The following NACC2 variants were observed in gnomAD, a reference collection of about 807,000 sequenced individuals.
The protein encoded by NACC2 is NACC family member 2, also known as nucleus accumbens-associated protein 2.
In NACC2, 8 loss-of-function variants were observed where a neutral mutation model predicts 25.1. The ratio of observed to expected loss-of-function variants is 0.32; its 90% confidence interval spans 0.19 to 0.57. The LOEUF is 0.57. Among genes scored for constraint, NACC2 ranks in the 20% least tolerant of loss-of-function variants. The pLI is 0.89. For synonymous variants in NACC2, 435 were observed against 294.7 expected, an observed-to-expected ratio of 1.48 and a Z score of -4.88; for missense variants, 644 against 650.2, an observed-to-expected ratio of 0.99 and a Z score of 0.10.
intron 2 of NACC2, among the ~76,000 whole-genome samples, chr9:136,047,420 T>A (rs1342820027): frequency 1.3e-5 from 2 of 152,164 alleles, no homozygotes; most frequent in Admixed American, 1.3e-4. Context: ...AGAAAAACCA[T>A]GACAAGAAAC....
chr9:136,080,465 G>C (rs1029273913), intron 1 of NACC2, among the ~76,000 whole-genome samples: 2 of 152,174 alleles, frequency 1.3e-5, no homozygotes, highest in African/African-American at 2.4e-5. Flanking sequence ...CCAGCTACTC[G>C]GGAGGCTGAG....
chr9:136,079,036 T>C (rs895461785), intron 1 of NACC2, among the ~76,000 whole-genome samples: 1 of 150,846 alleles, frequency 6.6e-6, no homozygotes, highest in Non-Finnish European at 1.5e-5. Flanking sequence ...ATATGTTAAT[T>C]TGACTTCAAT....
At chr9:136,089,118 C>T (rs1043687304) in intron 1 of NACC2, among the ~76,000 whole-genome samples, 3 of 152,190 alleles carry the variant, frequency 2.0e-5, no homozygotes, top group Non-Finnish European at 4.4e-5. Context: ...CTTTCAGTTA[C>T]GCGGTTACGT....
At chr9:136,042,753 GAGACACACACACAGAGACACAC>G (rs1466413951) in intron 2 of NACC2, among the ~76,000 whole-genome samples, 11 of 142,562 alleles carry the variant, frequency 7.7e-5, no homozygotes, top group African/African-American at 2.3e-4. Flanking sequence ...CACAGAGACA[GAGACACACACACAGAGACACAC>G]AGACACACAC....
chr9:136,054,532 A>G (rs1395818558), intron 1 of NACC2, among the ~76,000 whole-genome samples: 1 of 152,186 alleles, frequency 6.6e-6, no homozygotes, highest in African/African-American at 2.4e-5. Context: ...AGGAAAGCAG[A>G]CACACGGGGG....
chr9:136,093,162 C>T (rs1254053405), intron 1 of NACC2, among the ~76,000 whole-genome samples: 2 of 152,288 alleles, frequency 1.3e-5, no homozygotes, highest in East Asian at 1.9e-4. Flanking sequence ...TTCCATCCCT[C>T]GGGCCTGGGA....
intron 2 of NACC2, among the ~76,000 whole-genome samples, chr9:136,024,455 T>C (rs1294933799): frequency 7.1e-6 from 1 of 140,692 alleles, no homozygotes; most frequent in Non-Finnish European, 1.5e-5. Flanking sequence ...ACAGAGGGTA[T>C]GTGTGAGGAC....
chr9:136,088,743 C>T (rs1221266276), intron 1 of NACC2, among the ~76,000 whole-genome samples: 2 of 152,108 alleles, frequency 1.3e-5, no homozygotes, highest in Non-Finnish European at 2.9e-5. Flanking sequence ...CTTCATGCCT[C>T]CTAGGGTCCC....
intron 2 of NACC2, among the ~76,000 whole-genome samples, chr9:136,027,473 G>C (rs572643439): frequency 6.6e-5 from 10 of 152,156 alleles, no homozygotes; most frequent in Admixed American, 1.3e-4. Context: ...CAGGGGCTCA[G>C]GGAAAGTCTC....
intron 2 of NACC2, among the ~76,000 whole-genome samples, chr9:136,036,689 T>C (rs891251405): frequency 1.3e-5 from 2 of 152,170 alleles, no homozygotes; most frequent in African/African-American, 2.4e-5. Flanking sequence ...AGAAAGCCCT[T>C]GAGCATGAAG....
chr9:136,057,685 G>A (rs1840945052), intron 1 of NACC2, among the ~76,000 whole-genome samples: 1 of 152,230 alleles, frequency 6.6e-6, no homozygotes, highest in South Asian at 2.1e-4. Context: ...GGTCTCCCCT[G>A]CACCGGCTCG....
rs1840143325 is a variant in NACC2 at position 136,013,343 on chromosome 9, G to A, written c.1158-47C>T. 6.4e-7 allele frequency: 1 copy of A among 1,558,034 alleles called. No individual in the cohort carries two copies. The highest frequency in any genetic ancestry group is 8.8e-7 in the Non-Finnish European group (1 of 1,135,422). The stretch of plus-strand genomic sequence containing the variant: ...CAGGCAGGGTGAGGATGATGGGGAG[G>A]GTACCTGGAGGCGACCCGCCCGCAC... On this transcript the variant is annotated intron_variant, in intron 4 of 5. Transcript: ENST00000277554. This position sits in a 1 kb window ranked among gnomAD's most constrained non-coding sequence, Gnocchi z 6.6.
At chr9:136,081,791 G>A (rs1382539291) in intron 1 of NACC2, among the ~76,000 whole-genome samples, 2 of 152,144 alleles carry the variant, frequency 1.3e-5, no homozygotes, top group Non-Finnish European at 2.9e-5. Context: ...CCCTCTACCT[G>A]GATGGCACCT....
Position 136,011,613 on chromosome 9 carries a change from G to A in NACC2, c.1667C>T (p.Pro556Leu). The A allele has an allele frequency of 7.0e-7, 1 of 1,430,050 alleles. No homozygotes were observed. The highest frequency in any genetic ancestry group is 9.1e-7 in the Non-Finnish European group (1 of 1,099,298). The allele number at this position is 1,430,050 out of a possible 1,614,324, so 88.6% of individuals were successfully genotyped here. ...GCCCCCGCCCTGCTCAAAGGGCTGTGGGGGGCTCTGGCCATCGGCGGGCAG... is the reference window on the plus strand; with the variant it reads ...GCCCCCGCCCTGCTCAAAGGGCTGTAGGGGGCTCTGGCCATCGGCGGGCAG... ...EPLPADGQSP[P>L]QPFEQGGGGP... The change falls in exon 6 of 6, where the codon CCA becomes CTA. Residue 556 changes from proline to leucine, a missense_variant. Physicochemically the swap from Pro to Leu is moderately conservative, Grantham distance 98. Coordinates refer to ENST00000277554, the MANE Select transcript of NACC2 (RefSeq NM_144653.5).
chr9:136,013,368 C>T lies in NACC2; in HGVS notation c.1158-72G>A, dbSNP rs2280487. ...GGTACCTGGAGGCGACCCGCCCGCA[C>T]GAATGCCCTGCTGGGAGGCCACTTG... is the stretch of plus-strand genomic sequence containing the variant. On this transcript the variant is annotated intron_variant, in intron 4 of 5. Transcript: ENST00000277554. The surrounding 1 kb of genome is among the most constrained non-coding windows in gnomAD (Gnocchi z 6.6). 1.8e-5 allele frequency: 25 copies of T among 1,419,716 alleles called. No homozygotes were observed. The highest frequency in any genetic ancestry group is 2.4e-4 in the Middle Eastern group (1 of 4,146). 87.9% of individuals were successfully genotyped at this position (1,419,716 alleles called of 1,614,324 possible). A position where few individuals can be genotyped will look rare whatever the true frequency, so the allele number is the denominator to read the frequency against.
chr9:136,013,181 A>C lies in NACC2; in HGVS notation c.1255+18T>G, dbSNP rs543899120. 2 of 685,556 alleles carry C rather than the reference A, an allele frequency of 2.9e-6. No individual in the cohort carries two copies. Among genetic ancestry groups the C allele is most frequent in the African/African-American group, 1.8e-5 (1 of 54,424 alleles). 42.5% of individuals were successfully genotyped at this position (685,556 alleles called of 1,614,324 possible). ...CCAGCCCCGGCCCCACCCACCCGAGAGACCCCCAGGCTCTTACATTTCACA... is the reference window on the plus strand; with the variant it reads ...CCAGCCCCGGCCCCACCCACCCGAGCGACCCCCAGGCTCTTACATTTCACA... On this transcript the variant is annotated intron_variant, in intron 5 of 5. Transcript: ENST00000277554. The surrounding 1 kb of genome is among the most constrained non-coding windows in gnomAD (Gnocchi z 6.6).
chr9:136,059,321 G>C (rs980551942), intron 1 of NACC2, among the ~76,000 whole-genome samples: 2 of 152,210 alleles, frequency 1.3e-5, no homozygotes, highest in African/African-American at 4.8e-5. Context: ...TTGGTGTCCA[G>C]ATGCATGCAC....
chr9:136,051,349 C>T (rs1245814583), intron 1 of NACC2, among the ~76,000 whole-genome samples: 1 of 152,230 alleles, frequency 6.6e-6, no homozygotes, highest in Non-Finnish European at 1.5e-5. Flanking sequence ...CAGCCCCACT[C>T]GCGGACGCCC....
At position 136,073,122 on chromosome 9, in the gene NACC2, T is replaced by C. The variant is rs182260107; in HGVS notation, c.-60+22067A>G. 3.6e-3 allele frequency among the ~76,000 whole-genome samples: 546 copies of C among 151,898 alleles called. 1 individual carries two copies. Among genetic ancestry groups the C allele is most frequent in the Middle Eastern group, 0.01 (3 of 294 alleles). ...GAACACATTTAACAAAGGACTAATATCTAGGCTACATAAAGAATTAATTGG... is the reference window on the plus strand; with the variant it reads ...GAACACATTTAACAAAGGACTAATACCTAGGCTACATAAAGAATTAATTGG... On this transcript the variant is annotated intron_variant, in intron 1 of 5. Transcript: ENST00000277554.
Sources: allele counts gnomAD v4.1 joint callset (sites outside exome capture counted in the v4.1 genomes callset), GRCh38; gene constraint gnomAD v4.1.1; non-coding constraint Gnocchi (gnomAD v3.1); transcripts MANE v1.5; gene names NCBI Gene and HGNC (gene_info 2026-07-23, HGNC 2026-07-21).